Variants in NAA11 observed in about 807,000 individuals in gnomAD.
The protein encoded by NAA11 is N-alpha-acetyltransferase 11, NatA catalytic subunit.
A neutral mutation model predicts 16.1 loss-of-function variants in NAA11; 15 were observed. That is an observed-to-expected ratio of 0.93 (90% confidence interval 0.62 to 1.44). The LOEUF is 1.44. Among genes scored for constraint, NAA11 ranks in the 40% most tolerant of loss-of-function variants. The probability of loss-of-function intolerance (pLI) is 0.00; values close to 1 mark genes in which losing one functional copy is unlikely to be tolerated. For missense variants in NAA11, 298 were observed against 291.3 expected, an observed-to-expected ratio of 1.02 and a Z score of -0.17; for synonymous variants, 122 against 112.4, an observed-to-expected ratio of 1.09 and a Z score of -0.54.
At chr4:79,246,179 G>T (rs1003972914) in intron 2 of NAA11, among the ~76,000 whole-genome samples, 4 of 152,098 alleles carry the variant, frequency 2.6e-5, no homozygotes, top group African/African-American at 9.7e-5. Context: ...AAGGCAGCAT[G>T]CTGGTTAAGA....
chr4:79,242,965 A>G (rs1298284449), intron 2 of NAA11, among the ~76,000 whole-genome samples: 3 of 152,206 alleles, frequency 2.0e-5, no homozygotes, highest in East Asian at 1.9e-4. Flanking sequence ...TAGTTTAAGG[A>G]AGCCCACTGC....
chr4:79,260,401 T>G (rs1440809473), intron 2 of NAA11, among the ~76,000 whole-genome samples: 1 of 152,244 alleles, frequency 6.6e-6, no homozygotes, highest in Non-Finnish European at 1.5e-5. Flanking sequence ...TGCAATCCTC[T>G]GTTTTAAATC....
intron 2 of NAA11, among the ~76,000 whole-genome samples, chr4:79,239,657 G>A (rs968485460): frequency 6.6e-6 from 1 of 151,972 alleles, no homozygotes; most frequent in Non-Finnish European, 1.5e-5. Flanking sequence ...CCAAGATAGT[G>A]CCACTACACT....
intron 1 of NAA11, among the ~76,000 whole-genome samples, chr4:79,300,793 G>A (rs973273891): frequency 1.3e-5 from 2 of 152,132 alleles, no homozygotes; most frequent in African/African-American, 4.8e-5. Flanking sequence ...AGAACATGAG[G>A]TGGACATTAG....
intron 2 of NAA11, among the ~76,000 whole-genome samples, chr4:79,232,588 A>C (rs575053377): frequency 4.6e-5 from 7 of 151,976 alleles, no homozygotes; most frequent in Non-Finnish European, 1.0e-4. Context: ...CAAGTTCTCT[A>C]TCCACTTGTT....
At chr4:79,206,503 C>T in the NAA11 span, among the ~76,000 whole-genome samples, 4 of 152,080 alleles carry the variant, frequency 2.6e-5, no homozygotes, top group East Asian at 1.9e-4. Context: ...ATGTTCTTAG[C>T]GCCCACAATT....
the NAA11 span, among the ~76,000 whole-genome samples, chr4:79,204,747 A>G: frequency 1.3e-5 from 2 of 151,798 alleles, no homozygotes; most frequent in Admixed American, 6.6e-5. Context: ...AGTGTGCGTT[A>G]TACCATTCTG....
At position 79,325,203 on chromosome 4, in the gene NAA11, C is replaced by A. The variant is rs747944736; in HGVS notation, c.675G>T (p.Ser225=). 1.2e-6 allele frequency: 2 copies of A among 1,609,342 alleles called. No individual in the cohort carries two copies. Among genetic ancestry groups the A allele is most frequent in the South Asian group, 2.2e-5 (2 of 90,130 alleles). Residue 225 remains serine, a synonymous_variant, in exon 1 of 2, where the codon TCG becomes TCT. Coordinates refer to ENST00000286794, the MANE Select transcript of NAA11 (RefSeq NM_032693.3). ...TAAGCATGCTCTAGGAGGTGGAATC[C>A]GAGCTTTCTGAGCTGTCCTGGACGT... The part of the protein sequence containing the change: ...STNVQDSSES[S]DSTS
At chr4:79,297,002 A>G (rs1723238987) in intron 1 of NAA11, among the ~76,000 whole-genome samples, 1 of 152,200 alleles carries the variant, frequency 6.6e-6, no homozygotes, top group South Asian at 2.1e-4. Context: ...AGCATCATCA[A>G]TGGCAGCAGT....
rs545765162 is a variant in NAA11 at position 79,282,076 on chromosome 4, C to A, written c.*122+11929G>T. Reference sequence around the variant, plus strand: ...GACCTGAATGATGGGAATTAACCAACCTTCTAAAGATCTAGGGACAAAGTG... The same window carrying A: ...GACCTGAATGATGGGAATTAACCAAACTTCTAAAGATCTAGGGACAAAGTG... On this transcript the variant is annotated intron_variant and NMD_transcript_variant, in intron 2 of 2. Coordinates refer to the NAA11 transcript ENST00000511542. Among the ~76,000 whole-genome samples the A allele has an allele frequency of 2.0e-5, 3 of 152,212 alleles. No individual in the cohort carries two copies. In the East Asian group the frequency reaches 5.8e-4, roughly 29 times the overall value.
At chr4:79,167,266 T>TAGAG in the NAA11 span, among the ~76,000 whole-genome samples, 40 of 119,300 alleles carry the variant, frequency 3.4e-4, no homozygotes, top group South Asian at 1.6e-3. Context: ...TATATATATA[T>TAGAG]ATATAGAGAG....
At chr4:79,192,523 C>T in the NAA11 span, among the ~76,000 whole-genome samples, 1 of 151,664 alleles carries the variant, frequency 6.6e-6, no homozygotes, top group African/African-American at 2.4e-5. Flanking sequence ...ATGATGGTTT[C>T]CAGCTTCATC....
the NAA11 span, among the ~76,000 whole-genome samples, chr4:79,195,326 A>G: frequency 9.9e-5 from 15 of 152,220 alleles, no homozygotes; most frequent in African/African-American, 3.6e-4. Flanking sequence ...AGTGTATTTA[A>G]TTCTCTAAAC....
chr4:79,314,480 G>A (rs1723870679), downstream of NAA11, among the ~76,000 whole-genome samples: 1 of 151,956 alleles, frequency 6.6e-6, no homozygotes, highest in Non-Finnish European at 1.5e-5. Context: ...CTGAGCCAGA[G>A]ACAAAGAAAC....
intron 2 of NAA11, among the ~76,000 whole-genome samples, chr4:79,248,456 T>G (rs1330669918): frequency 6.6e-6 from 1 of 151,858 alleles, no homozygotes; most frequent in Non-Finnish European, 1.5e-5. Context: ...GTGAGCACAC[T>G]CTGCCCCCTG....
Position 79,325,568 on chromosome 4 carries a change from C to T in NAA11, c.310G>A (p.Ala104Thr). 2.5e-6 allele frequency: 4 copies of T among 1,614,076 alleles called. No homozygotes were observed. The highest frequency in any genetic ancestry group is 3.4e-6 in the Non-Finnish European group (4 of 1,179,966). ...ASRAMIENFN[A>T]KYVSLHVRKS... The stretch of plus-strand genomic sequence containing the variant: ...CTGACGTGCAGAGACACGTATTTGG[C>T]GTTAAAGTTCTCTATCATGGCCCTG... The change falls in exon 1 of 2, where the codon GCC becomes ACC. Residue 104 changes from alanine (A) to threonine (T), a missense_variant. By Grantham distance (58) the Ala-to-Thr change is moderately conservative. Transcript: ENST00000286794.
chr4:79,237,893 CA>C (rs1721605848), intron 2 of NAA11, among the ~76,000 whole-genome samples: 1 of 152,198 alleles, frequency 6.6e-6, no homozygotes. Flanking sequence ...CAAATCAATG[CA>C]TATGTGTATA....
intron 2 of NAA11, among the ~76,000 whole-genome samples, chr4:79,271,505 A>T (rs1324279958): frequency 1.3e-5 from 2 of 152,084 alleles, no homozygotes; most frequent in East Asian, 3.9e-4. Context: ...TGAACAATAA[A>T]TGGTGCGATT....
chr4:79,322,174 T>A (rs573393389), intron 1 of NAA11, among the ~76,000 whole-genome samples: 194 of 152,302 alleles, frequency 1.3e-3, no homozygotes, highest in Admixed American at 2.2e-3. Flanking sequence ...AGACCTCCGG[T>A]TGGAAAAGAC....
Sources: gnomAD v4.1 joint callset for allele counts (sites outside exome capture counted in the v4.1 genomes callset) on GRCh38, gnomAD v4.1.1 for gene constraint, MANE v1.5 for transcripts, NCBI Gene and HGNC (gene_info 2026-07-23, HGNC 2026-07-21) for gene names.